CHST9: variants seen among roughly 807,000 people sequenced by gnomAD.
CHST9 encodes GalNAc-4-sulfotransferase 2.
A neutral mutation model predicts 44.4 loss-of-function variants in CHST9; 41 were observed. The observed-to-expected ratio is 0.92, with a 90% CI of 0.72 to 1.20. CHST9 has a LOEUF of 1.20. Ranked by LOEUF, CHST9 falls within the 50% of genes most tolerant of loss-of-function variation. CHST9 has a pLI of 0.00. For synonymous variants in CHST9, 171 were observed against 178.4 expected (o/e 0.96, Z 0.33); for missense variants, 504 against 516.5 (o/e 0.98, Z 0.23).
Position 26,916,825 on chromosome 18 carries a change from T to G in CHST9, c.766A>C (p.Lys256Gln), listed in dbSNP as rs1202782546. 2.5e-6 allele frequency: 4 copies of G among 1,613,948 alleles called. No homozygotes were observed. Among genetic ancestry groups the G allele is most frequent in the Non-Finnish European group, 3.4e-6 (4 of 1,179,876 alleles). The change falls in exon 6 of 6, where the codon AAG (lysine) becomes CAG (glutamine). Residue 256 changes from lysine (K) to glutamine (Q), a missense_variant. By Grantham distance (53) the Lys-to-Gln change is moderately conservative. Coordinates refer to ENST00000618847, the MANE Select transcript of CHST9 (RefSeq NM_031422.6). ...TTTAGGTCAAAGCTATCTAGCTTCTTCAAATGCTTCCCGTAGTGGACAGCA... is the reference window on the plus strand; with the variant it reads ...TTTAGGTCAAAGCTATCTAGCTTCTGCAAATGCTTCCCGTAGTGGACAGCA... Reference protein sequence around the residue: ...HNAVHYGKHLKKLDSFDLKGI... With the variant: ...HNAVHYGKHLQKLDSFDLKGI...
chr18:27,161,596 G>T (rs938994197), intron 1 of CHST9, among the ~76,000 whole-genome samples: 1 of 152,120 alleles, frequency 6.6e-6, no homozygotes, highest in African/African-American at 2.4e-5. Flanking sequence ...TGTTGATTTG[G>T]GGTGGAGAGT....
chr18:27,130,840 G>A (rs1202065802), intron 2 of CHST9, among the ~76,000 whole-genome samples: 1 of 152,114 alleles, frequency 6.6e-6, no homozygotes, highest in African/African-American at 2.4e-5. Flanking sequence ...GAAAAAGCAA[G>A]TTGCCAAAGG....
intron 2 of CHST9, among the ~76,000 whole-genome samples, chr18:27,099,620 A>C (rs1466612843): frequency 3.3e-5 from 5 of 152,212 alleles, no homozygotes; most frequent in Admixed American, 2.0e-4. Context: ...AATGTTCCAC[A>C]TCATCAATCA....
chr18:27,037,050 C>A (rs1459706277), intron 3 of CHST9, among the ~76,000 whole-genome samples: 2 of 152,098 alleles, frequency 1.3e-5, no homozygotes, highest in Non-Finnish European at 2.9e-5. Context: ...TGTTTTCTGT[C>A]GTTTAGAGAG....
intron 2 of CHST9, among the ~76,000 whole-genome samples, chr18:27,139,131 T>G (rs1033167970): frequency 6.6e-6 from 1 of 152,140 alleles, no homozygotes; most frequent in Non-Finnish European, 1.5e-5. Context: ...CTAAAGTATT[T>G]TATTTTAATA....
At chr18:26,950,243 G>A (rs1431157827) in intron 4 of CHST9, among the ~76,000 whole-genome samples, 1 of 152,176 alleles carries the variant, frequency 6.6e-6, no homozygotes, top group Admixed American at 6.5e-5. Context: ...CTGAAAAGTA[G>A]AGATTATTCC....
intron 4 of CHST9, among the ~76,000 whole-genome samples, chr18:26,967,940 T>C (rs1186706492): frequency 6.6e-6 from 1 of 152,226 alleles, no homozygotes. Context: ...CCCTCGAACA[T>C]CAGACTCCAA....
intron 4 of CHST9, among the ~76,000 whole-genome samples, chr18:27,021,578 T>C (rs1180914793): frequency 6.6e-6 from 1 of 152,192 alleles, no homozygotes; most frequent in Non-Finnish European, 1.5e-5. Flanking sequence ...TGGCTGTACC[T>C]GCAAACTCAT....
chr18:27,176,784 G>A (rs762464173), intron 1 of CHST9, among the ~76,000 whole-genome samples: 7 of 151,942 alleles, frequency 4.6e-5, no homozygotes, highest in Non-Finnish European at 1.0e-4. Flanking sequence ...AAAGGTCTGA[G>A]GTATTAGATG....
chr18:27,107,833 G>A (rs536240483), intron 2 of CHST9, among the ~76,000 whole-genome samples: 1 of 152,272 alleles, frequency 6.6e-6, no homozygotes, highest in East Asian at 1.9e-4. Context: ...AATGTGTTGT[G>A]TTTGGAGGAT....
At chr18:27,112,578 C>CGTGT (rs35249332) in intron 2 of CHST9, among the ~76,000 whole-genome samples, 27,894 of 140,300 alleles carry the variant, frequency 0.2, 3,150 homozygotes, top group Non-Finnish European at 0.26. Context: ...GGATATTCAA[C>CGTGT]GTGTGTGTGT....
At chr18:27,126,864 G>A (rs1374946779) in intron 2 of CHST9, among the ~76,000 whole-genome samples, 1 of 152,142 alleles carries the variant, frequency 6.6e-6, no homozygotes, top group Non-Finnish European at 1.5e-5. Flanking sequence ...AAGGATAATT[G>A]TGACATAGAC....
chr18:27,053,250 AAGAAGAAGAAGGAGAAGG>A (rs2057602143), intron 2 of CHST9, among the ~76,000 whole-genome samples: 4 of 87,224 alleles, frequency 4.6e-5, no homozygotes, highest in African/African-American at 1.2e-4. Context: ...GAAGAAGAAG[AAGAAGAAGAAGGAGAAGG>A]AGAAGGAGAA....
intron 4 of CHST9, among the ~76,000 whole-genome samples, chr18:26,987,615 T>C (rs886829744): frequency 1.3e-5 from 2 of 152,314 alleles, no homozygotes; most frequent in Non-Finnish European, 1.5e-5. Context: ...TTTTATATTA[T>C]ACACCAAGTG....
At chr18:27,141,553 C>T (rs1413147488) in intron 2 of CHST9, among the ~76,000 whole-genome samples, 9 of 126,556 alleles carry the variant, frequency 7.1e-5, no homozygotes, top group African/African-American at 1.2e-4. Context: ...ATCATGCTAT[C>T]GCTCTCCAGC....
intron 4 of CHST9, chr18:26,952,658 T>C (rs1179549994): frequency 1.8e-5 from 4 of 227,942 alleles, no homozygotes; most frequent in African/African-American, 9.4e-5. Flanking sequence ...ACTCATTAGC[T>C]GTGTAGTCAT....
In CHST9 at chr18:26,915,278, T is replaced by A. The variant is rs2055499530; in HGVS notation, c.*981A>T. On this transcript the variant is annotated 3_prime_UTR_variant, in exon 6 of 6. Coordinates refer to ENST00000618847, the MANE Select transcript of CHST9 (RefSeq NM_031422.6). ...TTTAAAAAGTCATTCCTAAGCTGAA[T>A]AATTAAACTGAAAACAAAAGCTATT... The A allele has an allele frequency of 1.0e-5, 3 of 288,412 alleles. No homozygotes were observed. Among genetic ancestry groups the A allele is most frequent in the Non-Finnish European group, 1.9e-5 (3 of 158,068 alleles). 17.9% of individuals were successfully genotyped at this position (288,412 alleles called of 1,614,324 possible). A position where few individuals can be genotyped will look rare whatever the true frequency, so the allele number is the denominator to read the frequency against.
chr18:27,118,297 A>C (rs1245433932), intron 2 of CHST9, among the ~76,000 whole-genome samples: 1 of 152,172 alleles, frequency 6.6e-6, no homozygotes, highest in Non-Finnish European at 1.5e-5. Context: ...TAACAGTCTT[A>C]TATTAGATGT....
chr18:27,056,051 A>T (rs951463952), intron 2 of CHST9, among the ~76,000 whole-genome samples: 4 of 152,116 alleles, frequency 2.6e-5, no homozygotes, highest in South Asian at 2.1e-4. Context: ...ATTTAAAAAA[A>T]TTTTCTGCAG....
Sources: gnomAD v4.1 joint callset for allele counts (sites outside exome capture counted in the v4.1 genomes callset) on GRCh38, gnomAD v4.1.1 for gene constraint, MANE v1.5 for transcripts, NCBI Gene and HGNC (gene_info 2026-07-23, HGNC 2026-07-21) for gene names.